The following SSR3 variants were observed in gnomAD, a reference collection of about 807,000 sequenced individuals.
The protein encoded by SSR3 is translocon-associated protein subunit gamma.
SSR3 carries 10 observed loss-of-function variants against 22.1 expected under a neutral mutation model. That is an observed-to-expected ratio of 0.45 (90% CI 0.28 to 0.77). The LOEUF (loss-of-function observed/expected upper bound fraction) is 0.77. Among genes scored for constraint, SSR3 ranks in the 30% least tolerant of loss-of-function variants. The pLI, the probability that SSR3 is intolerant of heterozygous loss-of-function variation, is 0.13. For synonymous variants in SSR3, 104 were observed against 82.5 expected, an observed-to-expected ratio of 1.26 and a Z score of -1.42; for missense variants, 181 against 220.5, an observed-to-expected ratio of 0.82 and a Z score of 1.13.
intron 3 of SSR3, among the ~76,000 whole-genome samples, chr3:156,546,943 A>G (rs1719787934): frequency 6.6e-6 from 1 of 152,218 alleles, no homozygotes; most frequent in South Asian, 2.1e-4. Context: ...AGAGATACAC[A>G]TCTAAGCAAA....
At position 156,542,571 on chromosome 3, in the gene SSR3, A is replaced by G. The variant is rs1432894533; in HGVS notation, c.*632T>C. On this transcript the variant is annotated 3_prime_UTR_variant, in exon 5 of 5. Coordinates refer to ENST00000265044, the MANE Select transcript of SSR3 (RefSeq NM_007107.5). Reference sequence around the variant, plus strand: ...GTGTGTTCTTTAACCTCGTAGGACAACTCTCATATGCCTGGGCACTATTTT... The same window carrying G: ...GTGTGTTCTTTAACCTCGTAGGACAGCTCTCATATGCCTGGGCACTATTTT... 1 of 151,484 alleles carries G rather than the reference A, an allele frequency of 6.6e-6. No homozygotes were observed. Among genetic ancestry groups the G allele is most frequent in the African/African-American group, 2.4e-5 (1 of 41,162 alleles). The allele number at this position is 151,484 out of a possible 1,614,324, so 9.4% of individuals were successfully genotyped here.
chr3:156,541,929 A>G lies in SSR3; in HGVS notation c.*1274T>C, dbSNP rs531038874. ...GAAGTGGAAGTTAAACTCCCGATGAATAATTTTTATAAAATTATAAAGAAA... is the reference window on the plus strand; with the variant it reads ...GAAGTGGAAGTTAAACTCCCGATGAGTAATTTTTATAAAATTATAAAGAAA... On this transcript the variant is annotated 3_prime_UTR_variant, in exon 5 of 5. Coordinates refer to ENST00000265044, the MANE Select transcript of SSR3 (RefSeq NM_007107.5). 3 of 152,320 alleles carry G rather than the reference A, an allele frequency of 2.0e-5. No homozygotes were observed. In the South Asian group the frequency reaches 6.2e-4, roughly 32 times the overall value. The allele number at this position is 152,320 out of a possible 1,614,324, so 9.4% of individuals were successfully genotyped here.
rs761722202 is a variant in SSR3, at chr3:156,555,093, G to A, written c.-4C>T. 4 of 1,612,926 alleles carry A rather than the reference G, an allele frequency of 2.5e-6. No individual in the cohort carries two copies. The highest frequency in any genetic ancestry group is 3.3e-5 in the Admixed American group (2 of 59,994). On this transcript the variant is annotated 5_prime_UTR_variant, in exon 1 of 5. Coordinates refer to ENST00000265044, the MANE Select transcript of SSR3 (RefSeq NM_007107.5). ...TGGAGCTGCCTTTAGGAGCCATGGC[G>A]GAGCTGCAGGCGAGAACAGGGAACG... is the stretch of plus-strand genomic sequence containing the variant.
intron 4 of SSR3, 23 bp from the exon 5 acceptor site, chr3:156,543,292 G>C (rs1719634608): frequency 6.3e-7 from 1 of 1,596,624 alleles, no homozygotes; most frequent in Non-Finnish European, 8.6e-7. Flanking sequence ...TAATGTTATG[G>C]AAAAATGAGT....
intron 2 of SSR3, among the ~76,000 whole-genome samples, chr3:156,550,455 G>T (rs780306347): frequency 6.6e-6 from 1 of 152,126 alleles, no homozygotes; most frequent in Non-Finnish European, 1.5e-5. Context: ...CCTACCAGGG[G>T]CATAACAACC....
chr3:156,550,398 C>T (rs943185792), intron 2 of SSR3, among the ~76,000 whole-genome samples: 3 of 152,212 alleles, frequency 2.0e-5, no homozygotes, highest in Non-Finnish European at 2.9e-5. Context: ...AGACATTACA[C>T]CAGATAACTA....
chr3:156,544,729 C>G (rs1301189400), intron 3 of SSR3, among the ~76,000 whole-genome samples: 1 of 152,172 alleles, frequency 6.6e-6, no homozygotes, highest in Non-Finnish European at 1.5e-5. Flanking sequence ...ACGGTTTCAT[C>G]AGCAGCTAAG....
intron 3 of SSR3, among the ~76,000 whole-genome samples, chr3:156,547,884 C>G (rs1198345198): frequency 1.3e-5 from 2 of 152,226 alleles, no homozygotes; most frequent in Non-Finnish European, 2.9e-5. Context: ...AAACCCACAA[C>G]TAAGTTCAGT....
At chr3:156,548,165 C>T (rs1346199720) in intron 3 of SSR3, among the ~76,000 whole-genome samples, 1 of 152,166 alleles carries the variant, frequency 6.6e-6, no homozygotes, top group African/African-American at 2.4e-5. Flanking sequence ...AACTATTAAA[C>T]TATGTGGCAA....
chr3:156,550,380 C>A (rs987484995), intron 2 of SSR3, among the ~76,000 whole-genome samples: 1 of 152,192 alleles, frequency 6.6e-6, no homozygotes, highest in African/African-American at 2.4e-5. Context: ...CATGATAAAT[C>A]CTCATGAAGA....
At chr3:156,550,557 C>G in intron 2 of SSR3, among the ~76,000 whole-genome samples, 1 of 152,176 alleles carries the variant, frequency 6.6e-6, no homozygotes, top group Middle Eastern at 3.2e-3. Flanking sequence ...GCTGAACACT[C>G]TAAAACAAAA....
At position 156,543,248 on chromosome 3, in the gene SSR3, A is replaced by G. The variant is rs138210238; in HGVS notation, c.513T>C (p.Ser171=). Residue 171 remains serine (S), a synonymous_variant, in exon 5 of 5, where the codon AGT becomes AGC. Coordinates refer to ENST00000265044, the MANE Select transcript of SSR3 (RefSeq NM_007107.5). Reference sequence around the variant, plus strand: ...GGAGGGCGATGAGTCCTGATGAAGCACTTATGGACAATATGTAGTTCCTGT... The same window carrying G: ...GGAGGGCGATGAGTCCTGATGAAGCGCTTATGGACAATATGTAGTTCCTGT... ...NPTVNYILSI[S]ASSGLIALLS... The G allele has an allele frequency of 6.2e-7, 1 of 1,613,836 alleles. No individual in the cohort carries two copies. The highest frequency in any genetic ancestry group is 1.3e-5 in the African/African-American group (1 of 74,920).
At chr3:156,552,357 T>G (rs1719994365) in intron 2 of SSR3, among the ~76,000 whole-genome samples, 1 of 146,926 alleles carries the variant, frequency 6.8e-6, no homozygotes, top group Admixed American at 6.8e-5. Context: ...ATGATAAAAA[T>G]GATGTCACAT....
rs536315767 is a variant in SSR3, at chr3:156,547,412, T to C, written c.359+1493A>G. On this transcript the variant is annotated intron_variant, in intron 3 of 4. Coordinates refer to ENST00000265044, the MANE Select transcript of SSR3 (RefSeq NM_007107.5). Reference sequence around the variant, plus strand: ...GACATAATTAATCACTGAAAACCTTTAAAAGCTGTAACAAACATTTTGAAA... The same window carrying C: ...GACATAATTAATCACTGAAAACCTTCAAAAGCTGTAACAAACATTTTGAAA... 1.8e-4 allele frequency among the ~76,000 whole-genome samples: 28 copies of C among 152,324 alleles called. 1 individual carries two copies. The South Asian group carries it at 5.0e-3, about 27-fold the overall frequency.
chr3:156,549,660 C>G (rs913231676), intron 2 of SSR3, among the ~76,000 whole-genome samples: 2 of 152,176 alleles, frequency 1.3e-5, no homozygotes, highest in Non-Finnish European at 2.9e-5. Context: ...AGCTCTCTCA[C>G]TCAAGAACTG....
chr3:156,550,557 C>T (rs1328084684), intron 2 of SSR3, among the ~76,000 whole-genome samples: 1 of 152,176 alleles, frequency 6.6e-6, no homozygotes, highest in Non-Finnish European at 1.5e-5. Context: ...GCTGAACACT[C>T]TAAAACAAAA....
At chr3:156,551,311 G>T (rs761405049) in intron 2 of SSR3, 7 of 152,118 alleles carry the variant, frequency 4.6e-5, no homozygotes, top group Non-Finnish European at 7.4e-5. Context: ...CTAAAGAGAT[G>T]AATGAAAAAT....
intron 2 of SSR3, among the ~76,000 whole-genome samples, chr3:156,550,771 C>T (rs1282965725): frequency 6.6e-6 from 1 of 152,196 alleles, no homozygotes; most frequent in Non-Finnish European, 1.5e-5. Context: ...ACAAAAACAA[C>T]TTCTAAGGGC....
At chr3:156,551,323 T>G (rs1208257100) in intron 2 of SSR3, 1 of 151,692 alleles carries the variant, frequency 6.6e-6, no homozygotes, top group Admixed American at 6.6e-5. Context: ...ATGAAAAATG[T>G]TATGAAGAAT....
Sources: allele counts gnomAD v4.1 joint callset (sites outside exome capture counted in the v4.1 genomes callset), GRCh38; gene constraint gnomAD v4.1.1; transcripts MANE v1.5; gene names NCBI Gene and HGNC (gene_info 2026-07-23, HGNC 2026-07-21).